EPB41L3: variants seen among roughly 807,000 people sequenced by gnomAD.
EPB41L3 encodes the protein erythrocyte membrane protein band 4.1 like 3.
EPB41L3 carries 57 observed loss-of-function variants against 127.1 expected under a neutral mutation model. That is an observed-to-expected ratio of 0.45 (90% CI 0.36 to 0.56). The LOEUF (loss-of-function observed/expected upper bound fraction) is 0.56, where lower values mean the gene tolerates loss of function less well. Among genes scored for constraint, EPB41L3 ranks in the 20% least tolerant of loss-of-function variants. The pLI is 0.00. For missense variants in EPB41L3, 1,273 were observed against 1,372.2 expected (o/e 0.93, Z 1.14); for synonymous variants, 572 against 549.5 (o/e 1.04, Z -0.57).
intron 3 of EPB41L3, among the ~76,000 whole-genome samples, chr18:5,445,954 T>A (rs560216663): frequency 1.3e-5 from 2 of 152,070 alleles, no homozygotes; most frequent in Admixed American, 1.3e-4. Context: ...AGAAAAAAAA[T>A]GGTCTTCCAT....
rs565248094 is a variant in EPB41L3 at position 5,590,095 on chromosome 18, G to A, written c.-306+22245C>T. 5.3e-5 allele frequency among the ~76,000 whole-genome samples: 8 copies of A among 152,322 alleles called. No homozygotes were observed. The East Asian group carries it at 1.5e-3, about 29-fold the overall frequency. On this transcript the variant is annotated intron_variant, in intron 3 of 21. Transcript: ENST00000545076. ...GCGAAGGAGGAAGGAGAAAATGGGA[G>A]AAAGAAGAAGGACAATACACACTGC...
chr18:5,394,928 C>T (rs2073094934), intron 21 of EPB41L3, 135 bp from the exon 22 acceptor site: 1 of 1,200,012 alleles, frequency 8.3e-7, no homozygotes, highest in African/African-American at 1.5e-5. Context: ...CAAAAGGAAT[C>T]ATAAATCATA....
chr18:5,541,448 AC>A lies in EPB41L3; in HGVS notation c.-12+2464del, dbSNP rs1169821033. Among the ~76,000 whole-genome samples the A allele has an allele frequency of 1.2e-4, 18 of 152,230 alleles. No homozygotes were observed. In the South Asian group the frequency reaches 3.5e-3, roughly 30 times the overall value. On this transcript the variant is annotated intron_variant, in intron 1 of 22. Coordinates refer to ENST00000341928, the MANE Select transcript of EPB41L3 (RefSeq NM_012307.5). ...CACATCATACAACACGGAAGAAAATACTTTTACAGCAAGTTCCTGCCACACT... is the reference window on the plus strand; with the variant it reads ...CACATCATACAACACGGAAGAAAATATTTTACAGCAAGTTCCTGCCACACT...
intron 1 of EPB41L3, among the ~76,000 whole-genome samples, chr18:5,622,004 C>T (rs1011853585): frequency 1.3e-5 from 2 of 151,876 alleles, no homozygotes; most frequent in South Asian, 2.1e-4. Context: ...AATGCAGAAA[C>T]ATTTTGCAGT....
chr18:5,421,818 G>A (rs780013776), intron 11 of EPB41L3, among the ~76,000 whole-genome samples: 10 of 152,066 alleles, frequency 6.6e-5, no homozygotes, highest in Non-Finnish European at 1.3e-4. Context: ...GACTCAGAAG[G>A]CAGACAGTGG....
At position 5,587,499 on chromosome 18, in the gene EPB41L3, A is replaced by G. The variant is rs528330809; in HGVS notation, c.-306+24841T>C. The stretch of plus-strand genomic sequence containing the variant: ...TGTATGTATAGGAAAAAGAGTATAT[A>G]CAGGGTTCAGTACTATCTGAGGTTT... On this transcript the variant is annotated intron_variant, in intron 3 of 21. Transcript: ENST00000545076. Among the ~76,000 whole-genome samples, 8 of 152,314 alleles carry G rather than the reference A, an allele frequency of 5.3e-5. No individual in the cohort carries two copies. The East Asian group carries it at 1.5e-3, about 29-fold the overall frequency.
chr18:5,453,542 C>T lies in EPB41L3; in HGVS notation c.382-8298G>A, dbSNP rs189807278. 5.3e-5 allele frequency among the ~76,000 whole-genome samples: 8 copies of T among 152,274 alleles called. No individual in the cohort carries two copies. In the South Asian group the frequency reaches 8.3e-4, roughly 16 times the overall value. ...AGGCTCAAACCCACTCATGTTAATACATGAAAATATGGAGAGCTACAATAT... is the reference window on the plus strand; with the variant it reads ...AGGCTCAAACCCACTCATGTTAATATATGAAAATATGGAGAGCTACAATAT... On this transcript the variant is annotated intron_variant, in intron 3 of 22. Coordinates refer to ENST00000341928, the MANE Select transcript of EPB41L3 (RefSeq NM_012307.5).
chr18:5,512,284 G>A (rs2092563943), intron 1 of EPB41L3, among the ~76,000 whole-genome samples: 1 of 152,208 alleles, frequency 6.6e-6, no homozygotes, highest in Non-Finnish European at 1.5e-5. Context: ...AGGACATAGA[G>A]AACTGGATGC....
rs1201113682 is a variant in EPB41L3, at chr18:5,502,582, T to G, written c.-11-13388A>C. On this transcript the variant is annotated intron_variant, in intron 1 of 22. Coordinates refer to ENST00000341928, the MANE Select transcript of EPB41L3 (RefSeq NM_012307.5). ...ACTGATGCCTTATTTTAAACTCTTC[T>G]GTTCAGAGGGTTCCTCAAACATGCA... Among the ~76,000 whole-genome samples, 3 of 152,222 alleles carry G rather than the reference T, an allele frequency of 2.0e-5. 1 individual carries two copies. The highest frequency in any genetic ancestry group is 2.1e-4 in the South Asian group (1 of 4,832).
At chr18:5,561,134 C>G (rs12606319) in intron 3 of EPB41L3, among the ~76,000 whole-genome samples, 3 of 141,808 alleles carry the variant, frequency 2.1e-5, no homozygotes, top group South Asian at 2.3e-4. Context: ...CCCGCCACTA[C>G]GCCCGGCTAA....
intron 1 of EPB41L3, among the ~76,000 whole-genome samples, chr18:5,527,285 C>T (rs1207491544): frequency 6.6e-6 from 1 of 152,142 alleles, no homozygotes; most frequent in Non-Finnish European, 1.5e-5. Flanking sequence ...CCAAGAAGCT[C>T]CTGCAGTCAG....
intron 3 of EPB41L3, among the ~76,000 whole-genome samples, chr18:5,569,153 G>A (rs777131221): frequency 6.6e-6 from 1 of 152,090 alleles, no homozygotes; most frequent in Non-Finnish European, 1.5e-5. Flanking sequence ...GCAATCTAAA[G>A]GAAGAAATAA....
intron 3 of EPB41L3, among the ~76,000 whole-genome samples, chr18:5,475,281 A>T (rs918456051): frequency 6.6e-6 from 1 of 152,192 alleles, no homozygotes; most frequent in Non-Finnish European, 1.5e-5. Context: ...AGTTGCTCTA[A>T]TCTTCTCAAC....
intron 3 of EPB41L3, among the ~76,000 whole-genome samples, chr18:5,462,385 GACA>G (rs1189551108): frequency 6.6e-6 from 1 of 152,156 alleles, no homozygotes; most frequent in Non-Finnish European, 1.5e-5. Flanking sequence ...CAAAGAGCAT[GACA>G]ACACTCAATT....
chr18:5,483,681 T>C (rs775174967), intron 2 of EPB41L3, among the ~76,000 whole-genome samples: 1 of 151,986 alleles, frequency 6.6e-6, no homozygotes, highest in Non-Finnish European at 1.5e-5. Flanking sequence ...TAGCTATACT[T>C]ATATAAGAGA....
chr18:5,482,454 T>A (rs1295406511), intron 2 of EPB41L3, among the ~76,000 whole-genome samples: 1 of 152,100 alleles, frequency 6.6e-6, no homozygotes, highest in Non-Finnish European at 1.5e-5. Context: ...AAAGAAATAA[T>A]CACAGGAAAC....
At chr18:5,433,209 G>C (rs1241920985) in intron 8 of EPB41L3, among the ~76,000 whole-genome samples, 1 of 152,202 alleles carries the variant, frequency 6.6e-6, no homozygotes, top group Non-Finnish European at 1.5e-5. Context: ...AAGGCAATCA[G>C]AGGCTTTGCC....
chr18:5,420,025 AT>A, intron 11 of EPB41L3, 148 bp from the exon 12 acceptor site: 1 of 1,464,844 alleles, frequency 6.8e-7, no homozygotes, highest in Non-Finnish European at 9.0e-7. Flanking sequence ...GAAAAAAAAA[AT>A]ACCAACACAA....
intron 10 of EPB41L3, 92 bp from the exon 11 acceptor site, chr18:5,423,645 T>A: frequency 1.7e-6 from 2 of 1,173,948 alleles, no homozygotes; most frequent in Non-Finnish European, 2.4e-6. Flanking sequence ...TCATGTGTTT[T>A]GCATGCTAAA....
Sources: gnomAD v4.1 joint callset for allele counts (sites outside exome capture counted in the v4.1 genomes callset) on GRCh38, gnomAD v4.1.1 for gene constraint, MANE v1.5 for transcripts, NCBI Gene and HGNC (gene_info 2026-07-23, HGNC 2026-07-21) for gene names.